The following SRGAP1 variants were observed in gnomAD, a reference collection of about 807,000 sequenced individuals.
The protein encoded by SRGAP1 is SLIT-ROBO Rho GTPase activating protein 1, also known as SLIT-ROBO Rho GTPase-activating protein 1.
Under a neutral mutation model 121.9 loss-of-function variants are expected in SRGAP1, and 43 were observed. That is an observed-to-expected ratio of 0.35 (90% confidence interval 0.28 to 0.46). The LOEUF is 0.46. SRGAP1 is among the 20% of genes least tolerant of loss of function. SRGAP1 has a pLI of 1.00. For synonymous variants in SRGAP1, 447 were observed against 485.4 expected (o/e 0.92, Z 1.04); for missense variants, 1,102 against 1,350.9 (o/e 0.82, Z 2.89).
intron 1 of SRGAP1, among the ~76,000 whole-genome samples, chr12:63,956,596 A>T (rs1375991469): frequency 6.6e-6 from 1 of 152,094 alleles, no homozygotes; most frequent in Non-Finnish European, 1.5e-5. Flanking sequence ...AACAAGAAAA[A>T]CTTTTAAATA....
chr12:63,994,062 T>C (rs1379404280), intron 3 of SRGAP1, among the ~76,000 whole-genome samples: 1 of 152,184 alleles, frequency 6.6e-6, no homozygotes, highest in Non-Finnish European at 1.5e-5. Flanking sequence ...CTTGGGAATA[T>C]TTGTAAATAC....
At chr12:64,000,228 A>G (rs2136433528) in intron 3 of SRGAP1, among the ~76,000 whole-genome samples, 1 of 140,984 alleles carries the variant, frequency 7.1e-6, no homozygotes, top group South Asian at 2.2e-4. Flanking sequence ...ACATTGGTCA[A>G]GAAAGGTAGG....
intron 6 of SRGAP1, among the ~76,000 whole-genome samples, chr12:64,058,356 G>A (rs1466580153): frequency 6.6e-6 from 1 of 152,136 alleles, no homozygotes; most frequent in African/African-American, 2.4e-5. Flanking sequence ...GGTTTATTGG[G>A]ATGTAACCCA....
At position 64,127,911 on chromosome 12, in the gene SRGAP1, C is replaced by G; in HGVS notation, c.2591C>G (p.Thr864Ser). Reference sequence around the variant, plus strand: ...CCTCCAGTAAGGCGTCCTGGCAGGACCAGTGATGGCCATTGCCCGCTCCAC... The same window carrying G: ...CCTCCAGTAAGGCGTCCTGGCAGGAGCAGTGATGGCCATTGCCCGCTCCAC... ...PPPPVRRPGR[T>S]SDGHCPLHPP... is the part of the protein sequence containing the mutation. The change falls in exon 21 of 22, where the codon ACC becomes AGC. Residue 864 changes from threonine to serine, a missense_variant. Around this residue, in one of 3 missense-constraint regions of SRGAP1, gnomAD observed 315 missense variants for 343.1 expected, o/e 0.92. Transcript: ENST00000355086. 1 of 1,614,118 alleles carries G rather than the reference C, an allele frequency of 6.2e-7. No individual in the cohort carries two copies. The highest frequency in any genetic ancestry group is 8.5e-7 in the Non-Finnish European group (1 of 1,179,986).
intron 8 of SRGAP1, among the ~76,000 whole-genome samples, chr12:64,068,438 G>A (rs1002579967): frequency 2.6e-5 from 4 of 151,830 alleles, no homozygotes; most frequent in African/African-American, 9.7e-5. Context: ...AGGCTCAGGT[G>A]ATCCTCCCAC....
Position 64,147,251 on chromosome 12 carries a change from T to TA in SRGAP1, c.*4580dup, listed in dbSNP as rs2037067698. The TA allele has an allele frequency of 2.6e-6, 1 of 378,176 alleles. No homozygotes were observed. The highest frequency in any genetic ancestry group is 2.1e-5 in the African/African-American group (1 of 48,280). 23.4% of individuals were successfully genotyped at this position (378,176 alleles called of 1,614,324 possible). Reference sequence around the variant, plus strand: ...CCGGTAGCTTCCTGCTTGTGACTGTTACCTAATTGTGTCAATGTACATCTG... The same window carrying TA: ...CCGGTAGCTTCCTGCTTGTGACTGTTAACCTAATTGTGTCAATGTACATCTG... On this transcript the variant is annotated 3_prime_UTR_variant, in exon 22 of 22. Transcript: ENST00000355086.
At position 63,975,036 on chromosome 12, in the gene SRGAP1, T is replaced by C. The variant is rs570168835; in HGVS notation, c.68-8911T>C. Among the ~76,000 whole-genome samples, 188 of 152,314 alleles carry C rather than the reference T, an allele frequency of 1.2e-3. 1 individual carries two copies. Among genetic ancestry groups the C allele is most frequent in the African/African-American group, 4.3e-3 (178 of 41,572 alleles). ...TCTGCACCATCATATCTAGAACTTG[T>C]ATTTTTCTTTTTTTCATTATACATT... On this transcript the variant is annotated intron_variant, in intron 1 of 21. Coordinates refer to ENST00000355086, the MANE Select transcript of SRGAP1 (RefSeq NM_020762.4).
At chr12:63,929,559 T>C (rs1393942205) in intron 1 of SRGAP1, among the ~76,000 whole-genome samples, 1 of 150,654 alleles carries the variant, frequency 6.6e-6, no homozygotes, top group Non-Finnish European at 1.5e-5. Context: ...TTGTGGTGTT[T>C]TTAAAGCCCC....
chr12:63,853,590 G>A (rs1189896901), intron 1 of SRGAP1, among the ~76,000 whole-genome samples: 1 of 152,192 alleles, frequency 6.6e-6, no homozygotes, highest in African/African-American at 2.4e-5. Context: ...ATCATAACCA[G>A]AGCTAACAGT....
chr12:63,949,400 TTA>T (rs1565964888), intron 1 of SRGAP1, among the ~76,000 whole-genome samples: 210 of 13,552 alleles, frequency 0.015, no homozygotes, highest in South Asian at 0.068. Context: ...TTATTATTTA[TTA>T]TTATTATTAT....
intron 4 of SRGAP1, among the ~76,000 whole-genome samples, chr12:64,030,393 G>A (rs1328341927): frequency 1.3e-5 from 2 of 152,174 alleles, no homozygotes; most frequent in Non-Finnish European, 2.9e-5. Flanking sequence ...GCTGGAAAGA[G>A]CAAGTGCAGA....
chr12:63,968,984 C>T (rs551469828), intron 1 of SRGAP1, among the ~76,000 whole-genome samples: 5 of 152,076 alleles, frequency 3.3e-5, no homozygotes, highest in African/African-American at 7.2e-5. Flanking sequence ...TAGTGTGGGT[C>T]CCCGCCAGAA....
At chr12:63,969,247 A>T (rs1315703702) in intron 1 of SRGAP1, among the ~76,000 whole-genome samples, 1 of 152,146 alleles carries the variant, frequency 6.6e-6, no homozygotes, top group Non-Finnish European at 1.5e-5. Flanking sequence ...CTGTGAAAGA[A>T]GATCTTGGAT....
chr12:64,071,735 A>C (rs1388328682), intron 8 of SRGAP1, among the ~76,000 whole-genome samples: 1 of 152,176 alleles, frequency 6.6e-6, no homozygotes, highest in Admixed American at 6.5e-5. Context: ...CCTTGGATTA[A>C]GTTATATCAT....
chr12:63,846,766 C>T (rs948366265), intron 1 of SRGAP1, among the ~76,000 whole-genome samples: 5 of 152,192 alleles, frequency 3.3e-5, no homozygotes, highest in African/African-American at 9.7e-5. Flanking sequence ...AGTACCTACA[C>T]ATCCAGTATC....
chr12:64,108,827 G>A, intron 15 of SRGAP1, 105 bp from the exon 16 acceptor site: 2 of 657,090 alleles, frequency 3.0e-6, no homozygotes, highest in South Asian at 3.9e-5. Flanking sequence ...ACAAGAGCAG[G>A]GTGTTGCTTA....
Position 64,142,675 on chromosome 12 carries a change from A to C in SRGAP1, c.*3A>C, listed in dbSNP as rs1205067196. ...CAGACAAGTCATGCACAATGTAAAAACCAGCCAAGCAAGGCCATAAAGGGA... is the reference window on the plus strand; with the variant it reads ...CAGACAAGTCATGCACAATGTAAAACCCAGCCAAGCAAGGCCATAAAGGGA... On this transcript the variant is annotated 3_prime_UTR_variant, in exon 22 of 22. Coordinates refer to ENST00000355086, the MANE Select transcript of SRGAP1 (RefSeq NM_020762.4). 1 of 1,601,986 alleles carries C rather than the reference A, an allele frequency of 6.2e-7. No homozygotes were observed. The highest frequency in any genetic ancestry group is 2.2e-5 in the East Asian group (1 of 44,590).
At chr12:63,979,692 G>A (rs2033194694) in intron 1 of SRGAP1, among the ~76,000 whole-genome samples, 1 of 151,936 alleles carries the variant, frequency 6.6e-6, no homozygotes, top group Admixed American at 6.6e-5. Flanking sequence ...CCAGTGCCTA[G>A]GACACTGCCT....
intron 1 of SRGAP1, among the ~76,000 whole-genome samples, chr12:63,948,189 C>T (rs555567460): frequency 6.6e-6 from 1 of 152,054 alleles, no homozygotes; most frequent in African/African-American, 2.4e-5. Context: ...TGGAAAAGAC[C>T]TGGGTTCCAT....
Sources: allele counts gnomAD v4.1 joint callset (sites outside exome capture counted in the v4.1 genomes callset), GRCh38; gene constraint gnomAD v4.1.1; regional missense constraint gnomAD v4.1.1; transcripts MANE v1.5; gene names NCBI Gene and HGNC (gene_info 2026-07-23, HGNC 2026-07-21).